RMDN2: variants seen among roughly 807,000 people sequenced by gnomAD.
RMDN2 encodes the protein regulator of microtubule dynamics 2, also known as regulator of microtubule dynamics protein 2.
Under a neutral mutation model 52.8 loss-of-function variants are expected in RMDN2, and 61 were observed. The observed-to-expected ratio is 1.16, with a 90% CI of 0.94 to 1.43. RMDN2 has a LOEUF of 1.43. Among genes scored for constraint, RMDN2 ranks in the 40% most tolerant of loss-of-function variants. The pLI, the probability that RMDN2 is intolerant of heterozygous loss-of-function variation, is 0.00. For missense variants in RMDN2, 592 were observed against 475.3 expected, an observed-to-expected ratio of 1.25 and a Z score of -2.28; for synonymous variants, 180 against 153.1, an observed-to-expected ratio of 1.18 and a Z score of -1.30.
At chr2:37,976,829 C>T (rs537726935) in intron 4 of RMDN2, among the ~76,000 whole-genome samples, 2 of 151,788 alleles carry the variant, frequency 1.3e-5, no homozygotes, top group African/African-American at 4.8e-5. Flanking sequence ...ATATTAAATA[C>T]ATTTTTTTCT....
chr2:37,944,064 A>G (rs568317179), intron 2 of RMDN2, among the ~76,000 whole-genome samples: 1 of 152,306 alleles, frequency 6.6e-6, no homozygotes, highest in East Asian at 1.9e-4. Context: ...AGGGGAAAAC[A>G]ATTCCATTTA....
intron 2 of RMDN2, chr2:37,952,747 A>T (rs189848428): frequency 6.5e-6 from 1 of 153,316 alleles, no homozygotes; most frequent in Non-Finnish European, 1.5e-5. Context: ...TAGAAGTTAA[A>T]AATATTATAG....
At chr2:38,041,452 T>C (rs1680948021) in intron 10 of RMDN2, among the ~76,000 whole-genome samples, 1 of 134,890 alleles carries the variant, frequency 7.4e-6, no homozygotes, top group African/African-American at 2.8e-5. Flanking sequence ...TTGGACGTTT[T>C]GTACTAAGCA....
At chr2:38,056,840 T>A (rs1242442367) in intron 10 of RMDN2, among the ~76,000 whole-genome samples, 1 of 152,230 alleles carries the variant, frequency 6.6e-6, no homozygotes, top group Non-Finnish European at 1.5e-5. Flanking sequence ...GTTTTAGTTA[T>A]GTTATTACAC....
chr2:38,051,215 C>T (rs766866642), intron 10 of RMDN2, among the ~76,000 whole-genome samples: 4 of 152,032 alleles, frequency 2.6e-5, no homozygotes, highest in Non-Finnish European at 5.9e-5. Context: ...ACCCTTTCTT[C>T]GGAGTCATGC....
chr2:37,922,913 G>A (rs946081708), upstream of RMDN2, among the ~76,000 whole-genome samples: 1 of 152,228 alleles, frequency 6.6e-6, no homozygotes, highest in Non-Finnish European at 1.5e-5. Context: ...GTGCTGAAGT[G>A]TAGAATGATG....
At chr2:37,950,787 C>T (rs1013042810) in intron 2 of RMDN2, among the ~76,000 whole-genome samples, 19 of 152,254 alleles carry the variant, frequency 1.2e-4, no homozygotes, top group African/African-American at 4.6e-4. Context: ...AATTAGTCAA[C>T]AGAATATAAG....
chr2:38,018,299 A>G (rs1679068512), downstream of RMDN2, among the ~76,000 whole-genome samples: 1 of 152,228 alleles, frequency 6.6e-6, no homozygotes, highest in East Asian at 1.9e-4. Context: ...ATATTTTGTC[A>G]CTTGGGTACA....
At chr2:37,974,343 T>C (rs1672188191) in intron 3 of RMDN2, 129 bp downstream of exon 3, 1 of 523,108 alleles carries the variant, frequency 1.9e-6, no homozygotes. Flanking sequence ...AATTTCTCTA[T>C]AAAATGACTA....
At chr2:37,959,011 T>C (rs539776134) in intron 2 of RMDN2, among the ~76,000 whole-genome samples, 1 of 151,206 alleles carries the variant, frequency 6.6e-6, no homozygotes, top group South Asian at 2.1e-4. Context: ...GCTGACTTGA[T>C]TGTGGTGGAT....
chr2:38,065,984 T>C (rs1457716267), intron 10 of RMDN2, among the ~76,000 whole-genome samples: 2 of 152,120 alleles, frequency 1.3e-5, no homozygotes, highest in South Asian at 2.1e-4. Context: ...CAGGATCTTA[T>C]GGCCTAAAAA....
At chr2:37,987,238 T>A (rs576618831) in intron 5 of RMDN2, among the ~76,000 whole-genome samples, 1 of 151,470 alleles carries the variant, frequency 6.6e-6, no homozygotes, top group Non-Finnish European at 1.5e-5. Flanking sequence ...AATATTGAAA[T>A]ACATAGATGA....
At chr2:37,962,922 C>T (rs905990049) in intron 2 of RMDN2, among the ~76,000 whole-genome samples, 2 of 152,204 alleles carry the variant, frequency 1.3e-5, no homozygotes, top group Admixed American at 6.5e-5. Context: ...TCTCATGGCA[C>T]AGTCCCTCAT....
intron 7 of RMDN2, among the ~76,000 whole-genome samples, chr2:37,996,102 A>G (rs1234317426): frequency 1.3e-5 from 2 of 152,194 alleles, no homozygotes; most frequent in African/African-American, 2.4e-5. Flanking sequence ...TATTTCAGTT[A>G]TTTAAATGAC....
chr2:38,010,765 A>C (rs1411217673), intron 10 of RMDN2, among the ~76,000 whole-genome samples: 1 of 152,136 alleles, frequency 6.6e-6, no homozygotes, highest in Non-Finnish European at 1.5e-5. Flanking sequence ...CCGGTACCTC[A>C]GGTGGAAATG....
rs540414324 is a variant in RMDN2 at position 37,979,795 on chromosome 2, C to T, written c.731-1488C>T. Reference sequence around the variant, plus strand: ...TGGAGTGATGGAATCACTTCTATTTCAGGCTTCTGGCAGTACGCTGAAAGT... The same window carrying T: ...TGGAGTGATGGAATCACTTCTATTTTAGGCTTCTGGCAGTACGCTGAAAGT... On this transcript the variant is annotated intron_variant, in intron 4 of 10. Coordinates refer to ENST00000354545, the MANE Select transcript of RMDN2 (RefSeq NM_001170791.3). Among the ~76,000 whole-genome samples, 6 of 152,202 alleles carry T rather than the reference C, an allele frequency of 3.9e-5. No homozygotes were observed. The South Asian group carries it at 1.0e-3, about 26-fold the overall frequency.
chr2:38,003,505 A>G (rs1251693771), intron 8 of RMDN2, among the ~76,000 whole-genome samples: 1 of 152,030 alleles, frequency 6.6e-6, no homozygotes, highest in African/African-American at 2.4e-5. Context: ...GTGAGCTGAG[A>G]TCGCGCCACT....
intron 2 of RMDN2, among the ~76,000 whole-genome samples, chr2:37,966,501 C>T (rs182263668): frequency 2.0e-4 from 30 of 152,036 alleles, no homozygotes; most frequent in Non-Finnish European, 2.6e-4. Context: ...AATTAGCTTA[C>T]TGCCACTTTC....
intron 10 of RMDN2, chr2:38,066,846 A>G (rs1682304179): frequency 4.3e-6 from 3 of 703,822 alleles, no homozygotes; most frequent in South Asian, 3.5e-5. Context: ...ACTGTCATAC[A>G]TCTGGAAAAC....
Sources: allele counts gnomAD v4.1 joint callset (sites outside exome capture counted in the v4.1 genomes callset), GRCh38; gene constraint gnomAD v4.1.1; transcripts MANE v1.5; gene names NCBI Gene and HGNC (gene_info 2026-07-23, HGNC 2026-07-21).